Variants in AQP6 observed in about 807,000 individuals in gnomAD.
AQP6 encodes the protein aquaporin 6, also known as aquaporin-6.
In AQP6, 14 loss-of-function variants were observed where a neutral mutation model predicts 16.3. That is an observed-to-expected ratio of 0.86 (90% CI 0.57 to 1.34). AQP6 has a LOEUF of 1.34. AQP6 is among the 40% of genes most tolerant of loss of function. AQP6 has a pLI of 0.00. For missense variants in AQP6, 331 were observed against 379.7 expected, an observed-to-expected ratio of 0.87 and a Z score of 1.07; for synonymous variants, 178 against 166.8, an observed-to-expected ratio of 1.07 and a Z score of -0.52.
rs374093263 is a variant in AQP6 at position 49,973,572 on chromosome 12, C to T, written c.399C>T (p.Asn133=). 141 of 1,598,332 alleles carry T rather than the reference C, an allele frequency of 8.8e-5. No homozygotes were observed. The highest frequency in any genetic ancestry group is 1.4e-4 in the East Asian group (6 of 44,158). Residue 133 remains asparagine, a synonymous_variant, in exon 1 of 4, where the codon AAC becomes AAT. Transcript: ENST00000315520. ...PGDIRETLGI[N]VVRNSVSTGQ... The stretch of plus-strand genomic sequence containing the variant: ...ACATCCGAGAGACCCTTGGGATCAA[C>T]GTGGTAGGTGCAGGGAGGGGCACCT...
Position 49,975,514 on chromosome 12 carries a change from A to G in AQP6, c.692A>G (p.Tyr231Cys). 4 of 1,613,088 alleles carry G rather than the reference A, an allele frequency of 2.5e-6. No homozygotes were observed. The highest frequency in any genetic ancestry group is 2.2e-5 in the South Asian group (2 of 91,028). The change falls in exon 4 of 4, where the codon TAC becomes TGC. Residue 231 changes from tyrosine to cysteine, a missense_variant. Physicochemically the swap from Tyr to Cys is radical, Grantham distance 194. Coordinates refer to ENST00000315520, the MANE Select transcript of AQP6 (RefSeq NM_001652.4). This position sits in a 1 kb window ranked among gnomAD's most constrained non-coding sequence, Gnocchi z 4.4. Reference protein sequence around the residue: ...LMGALLASLIYNFVLFPDTKT... With the variant: ...LMGALLASLICNFVLFPDTKT... Reference sequence around the variant, plus strand: ...GGAGCCCTCCTGGCCTCACTGATCTACAACTTCGTCCTGTTCCCCGACACC... The same window carrying G: ...GGAGCCCTCCTGGCCTCACTGATCTGCAACTTCGTCCTGTTCCCCGACACC...
At chr12:49,973,598 G>A (rs1398462227) in intron 1 of AQP6, 23 bp downstream of exon 1, 1 of 1,561,054 alleles carries the variant, frequency 6.4e-7, no homozygotes, top group Admixed American at 1.9e-5. Flanking sequence ...AGGGGCACCT[G>A]GAGGGCCAGG....
chr12:49,974,690 C>A (rs1947558250), intron 2 of AQP6, 56 bp from the exon 3 acceptor site: 1 of 1,579,442 alleles, frequency 6.3e-7, no homozygotes, highest in Non-Finnish European at 8.7e-7. Flanking sequence ...AGAAATGGTC[C>A]CCTCTCAGGC....
rs375429876 is a variant in AQP6 at position 49,975,447 on chromosome 12, C to T, written c.643-18C>T. 1.0e-4 allele frequency: 160 copies of T among 1,574,312 alleles called. 1 individual carries two copies. Among genetic ancestry groups the T allele is most frequent in the Admixed American group, 3.9e-4 (20 of 51,454 alleles). On this transcript the variant is annotated intron_variant, in intron 3 of 3. Transcript: ENST00000315520. The surrounding 1 kb of genome is among the most constrained non-coding windows in gnomAD (Gnocchi z 4.4). ...TCCTGATAGCTCCTGGGTGGGGTGA[C>T]GACATCCTTCTCCTCAGGTCTTCTG...
chr12:49,973,854 C>T (rs1240804531), intron 1 of AQP6: 1 of 1,244,744 alleles, frequency 8.0e-7, no homozygotes, highest in Non-Finnish European at 1.0e-6. Context: ...GTAGATGCGG[C>T]CAAGGGAGTG....
rs1173790927 is a variant in AQP6 at position 49,976,990 on chromosome 12, C to T, written c.*1319C>T. 4 of 702,272 alleles carry T rather than the reference C, an allele frequency of 5.7e-6. No individual in the cohort carries two copies. The East Asian group carries it at 1.1e-4, about 19-fold the overall frequency. 43.5% of individuals were successfully genotyped at this position (702,272 alleles called of 1,614,324 possible). On this transcript the variant is annotated 3_prime_UTR_variant, in exon 4 of 4. Transcript: ENST00000315520. ...TGCTGTAGATTTATTCTGCCCACAA[C>T]TTGGGGGTCCTTTCTGGATCTCGGC...
rs556430357 is a variant in AQP6 at position 49,974,784 on chromosome 12, C to G, written c.600C>G (p.Ser200=). The G allele has an allele frequency of 7.4e-6, 12 of 1,614,126 alleles. 1 individual carries two copies. The highest frequency in any genetic ancestry group is 1.6e-4 in the Middle Eastern group (1 of 6,084). The change falls in exon 3 of 4, where the codon TCC becomes TCG. Residue 200 remains serine (S), a synonymous_variant. Transcript: ENST00000315520. ...FTGCSMNPAR[S]FGPAIIIGKF... The stretch of plus-strand genomic sequence containing the variant: ...GCTGCTCCATGAATCCAGCCCGCTC[C>G]TTCGGCCCTGCCATCATCATTGGGA...
In AQP6 at chr12:49,973,393, T is replaced by C. The variant is rs994470947; in HGVS notation, c.220T>C (p.Trp74Arg). 3.1e-6 allele frequency: 5 copies of C among 1,613,098 alleles called. No individual in the cohort carries two copies. Among genetic ancestry groups the C allele is most frequent in the Non-Finnish European group, 4.2e-6 (5 of 1,180,024 alleles). Residue 74 changes from tryptophan (W) to arginine (R), a missense_variant, in exon 1 of 4, where the codon TGG becomes CGG. Coordinates refer to ENST00000315520, the MANE Select transcript of AQP6 (RefSeq NM_001652.4). ...LVTAMAVQVT[W>R]KASGAHANPA... ...CACCGCCATGGCTGTGCAGGTCACC[T>C]GGAAGGCCAGCGGGGCCCACGCCAA... is the stretch of plus-strand genomic sequence containing the variant.
rs1246408360 is a variant in AQP6 at position 49,976,995 on chromosome 12, G to A, written c.*1324G>A. 2.8e-6 allele frequency: 2 copies of A among 702,318 alleles called. No homozygotes were observed. The highest frequency in any genetic ancestry group is 3.0e-5 in the South Asian group (2 of 67,584). 43.5% of individuals were successfully genotyped at this position (702,318 alleles called of 1,614,324 possible). ...TAGATTTATTCTGCCCACAACTTGG[G>A]GGTCCTTTCTGGATCTCGGCTTCTC... On this transcript the variant is annotated 3_prime_UTR_variant, in exon 4 of 4. Coordinates refer to ENST00000315520, the MANE Select transcript of AQP6 (RefSeq NM_001652.4).
Position 49,975,064 on chromosome 12 carries a change from T to C in AQP6, c.642+238T>C. 2 of 1,354,848 alleles carry C rather than the reference T, an allele frequency of 1.5e-6. No homozygotes were observed. The highest frequency in any genetic ancestry group is 1.9e-6 in the Non-Finnish European group (2 of 1,057,314). The allele number at this position is 1,354,848 out of a possible 1,614,324, so 83.9% of individuals were successfully genotyped here. ...AGTCCTGGCTGTTTCCTTATTCACT[T>C]TCTCCAGCTGGACCAATTTTCAAAC... On this transcript the variant is annotated intron_variant, in intron 3 of 3. Coordinates refer to ENST00000315520, the MANE Select transcript of AQP6 (RefSeq NM_001652.4). This position sits in a 1 kb window ranked among gnomAD's most constrained non-coding sequence, Gnocchi z 4.4.
chr12:49,973,641 G>A (rs1306635404), intron 1 of AQP6, 66 bp downstream of exon 1: 2 of 1,494,694 alleles, frequency 1.3e-6, no homozygotes, highest in African/African-American at 1.4e-5. Flanking sequence ...TGAAGGTGGA[G>A]GCCAGGACGG....
At chr12:49,973,662 G>T in intron 1 of AQP6, 87 bp downstream of exon 1, 1 of 1,451,026 alleles carries the variant, frequency 6.9e-7, no homozygotes. Context: ...AGGCGAGGGA[G>T]CAAAGGAGGA....
At position 49,973,564 on chromosome 12, in the gene AQP6, G is replaced by A. The variant is rs1947546830; in HGVS notation, c.391G>A (p.Gly131Arg). 6.2e-7 allele frequency: 1 copy of A among 1,603,306 alleles called. No individual in the cohort carries two copies. Among genetic ancestry groups the A allele is most frequent in the Non-Finnish European group, 8.5e-7 (1 of 1,174,700 alleles). The stretch of plus-strand genomic sequence containing the variant: ...GCCGGGAGACATCCGAGAGACCCTT[G>A]GGATCAACGTGGTAGGTGCAGGGAG... ...VMPGDIRETL[G>R]INVVRNSVST... Residue 131 changes from glycine to arginine, a missense_variant, in exon 1 of 4, where the codon GGG becomes AGG. Transcript: ENST00000315520.
rs142693255 is a variant in AQP6, at chr12:49,976,633, C to T, written c.*962C>T. On this transcript the variant is annotated 3_prime_UTR_variant, in exon 4 of 4. Transcript: ENST00000315520. ...ACAGAGAAGAACATTTTCTCAGGCT[C>T]GTAGAGAGGTGGGATAGAGGAAGGG... The T allele has an allele frequency of 9.8e-4, 273 of 278,404 alleles. No individual in the cohort carries two copies. Among genetic ancestry groups the T allele is most frequent in the African/African-American group, 5.4e-3 (246 of 45,612 alleles). 17.2% of individuals were successfully genotyped at this position (278,404 alleles called of 1,614,324 possible). A position where few individuals can be genotyped will look rare whatever the true frequency, so the allele number is the denominator to read the frequency against.
chr12:49,975,569 C>T lies in AQP6; in HGVS notation c.747C>T (p.Leu249=). 2 of 1,613,464 alleles carry T rather than the reference C, an allele frequency of 1.2e-6. No homozygotes were observed. Among genetic ancestry groups the T allele is most frequent in the Non-Finnish European group, 1.7e-6 (2 of 1,179,786 alleles). Residue 249 remains leucine (L), a synonymous_variant, in exon 4 of 4, where the codon CTC becomes CTT. Coordinates refer to ENST00000315520, the MANE Select transcript of AQP6 (RefSeq NM_001652.4). This position sits in a 1 kb window ranked among gnomAD's most constrained non-coding sequence, Gnocchi z 4.4. ...TKTLAQRLAI[L]TGTVEVGTGA... ...CCCTGGCGCAGCGGCTGGCTATCCT[C>T]ACAGGCACCGTAGAGGTGGGGACAG...
Position 49,975,413 on chromosome 12 carries a change from A to G in AQP6, c.643-52A>G, listed in dbSNP as rs941307372. On this transcript the variant is annotated intron_variant, in intron 3 of 3. Transcript: ENST00000315520. This position sits in a 1 kb window ranked among gnomAD's most constrained non-coding sequence, Gnocchi z 4.4. ...GGAAGCAGGCAGCGGTCCCAGAGCC[A>G]CCCTGTGGTCCTGATAGCTCCTGGG... 7 of 1,532,814 alleles carry G rather than the reference A, an allele frequency of 4.6e-6. No homozygotes were observed. The highest frequency in any genetic ancestry group is 6.1e-6 in the Non-Finnish European group (7 of 1,144,598). The allele number at this position is 1,532,814 out of a possible 1,614,324, so 95.0% of individuals were successfully genotyped here. A position where few individuals can be genotyped will look rare whatever the true frequency, so the allele number is the denominator to read the frequency against.
In AQP6 at chr12:49,973,184, T is replaced by C; in HGVS notation, c.11T>C (p.Val4Ala). Residue 4 changes from valine (V) to alanine (A), a missense_variant, in exon 1 of 4, where the codon GTG becomes GCG. Val to Ala is a moderately conservative substitution (Grantham distance 64, BLOSUM62 0). Transcript: ENST00000315520. MDAVEPGGRGWASM... is the reference protein window; with the variant it reads MDAAEPGGRGWASM... ...CCAAGGCACCAGGACATGGATGCAG[T>C]GGAGCCAGGGGGACGTGGCTGGGCC... 6.2e-7 allele frequency: 1 copy of C among 1,605,502 alleles called. No homozygotes were observed. Among genetic ancestry groups the C allele is most frequent in the African/African-American group, 1.3e-5 (1 of 74,972 alleles).
chr12:49,975,932 C>T lies in AQP6; in HGVS notation c.*261C>T. The T allele has an allele frequency of 2.8e-6, 1 of 351,816 alleles. No individual in the cohort carries two copies. Among genetic ancestry groups the T allele is most frequent in the Non-Finnish European group, 5.0e-6 (1 of 199,434 alleles). 21.8% of individuals were successfully genotyped at this position (351,816 alleles called of 1,614,324 possible). On this transcript the variant is annotated 3_prime_UTR_variant, in exon 4 of 4. Transcript: ENST00000315520. The surrounding 1 kb of genome is among the most constrained non-coding windows in gnomAD (Gnocchi z 4.4). The stretch of plus-strand genomic sequence containing the variant: ...GGGGATTTAGGATCGCCCTCCCATC[C>T]TCTCACCCACTGGACCCCGTAGGAG...
In AQP6 at chr12:49,975,869, C is replaced by A; in HGVS notation, c.*198C>A. 1.6e-6 allele frequency: 1 copy of A among 632,172 alleles called. No individual in the cohort carries two copies. Among genetic ancestry groups the A allele is most frequent in the Non-Finnish European group, 2.4e-6 (1 of 419,136 alleles). 39.2% of individuals were successfully genotyped at this position (632,172 alleles called of 1,614,324 possible). A position where few individuals can be genotyped will look rare whatever the true frequency, so the allele number is the denominator to read the frequency against. On this transcript the variant is annotated 3_prime_UTR_variant, in exon 4 of 4. Transcript: ENST00000315520. This position sits in a 1 kb window ranked among gnomAD's most constrained non-coding sequence, Gnocchi z 4.4. Reference sequence around the variant, plus strand: ...TTTGTCCCATTCCCTCTCTGTAGGGCTTCCCCACCTCTCGGTGGGACAGAG... The same window carrying A: ...TTTGTCCCATTCCCTCTCTGTAGGGATTCCCCACCTCTCGGTGGGACAGAG...
Sources: allele counts gnomAD v4.1 joint callset, GRCh38; gene constraint gnomAD v4.1.1; non-coding constraint Gnocchi (gnomAD v3.1); transcripts MANE v1.5; gene names NCBI Gene and HGNC (gene_info 2026-07-23, HGNC 2026-07-21).